SCHIP1: variants seen among roughly 807,000 people sequenced by gnomAD.
SCHIP1 encodes schwannomin interacting protein 1.
SCHIP1 carries 8 observed loss-of-function variants against 29.7 expected under a neutral mutation model. The observed-to-expected ratio is 0.27, with a 90% CI of 0.16 to 0.49. The LOEUF (loss-of-function observed/expected upper bound fraction) is 0.49, where lower values mean the gene tolerates loss of function less well. Among genes scored for constraint, SCHIP1 ranks in the 20% least tolerant of loss-of-function variants. The probability of loss-of-function intolerance (pLI) is 0.99; values close to 1 mark genes in which losing one functional copy is unlikely to be tolerated. For synonymous variants in SCHIP1, 76 were observed against 94.9 expected, an observed-to-expected ratio of 0.80 and a Z score of 1.16; for missense variants, 193 against 294.6, an observed-to-expected ratio of 0.66 and a Z score of 2.52.
chr3:159,566,080 G>T, the SCHIP1 span, among the ~76,000 whole-genome samples: 7 of 152,130 alleles, frequency 4.6e-5, no homozygotes, highest in African/African-American at 1.7e-4. Context: ...AAGAGAATAA[G>T]CTGATTTTCC....
chr3:159,350,042 G>A, the SCHIP1 span, among the ~76,000 whole-genome samples: 2 of 152,140 alleles, frequency 1.3e-5, no homozygotes, highest in Non-Finnish European at 2.9e-5. Flanking sequence ...AAGGTGTAAG[G>A]AGGTTTTCAG....
chr3:159,874,863 A>G (rs1424733988), intron 2 of SCHIP1, among the ~76,000 whole-genome samples: 1 of 152,184 alleles, frequency 6.6e-6, no homozygotes, highest in Non-Finnish European at 1.5e-5. Context: ...ATAACATGCA[A>G]CATATCTTTA....
chr3:159,828,388 C>CACTATATATATGTGTATATATGTAT, the SCHIP1 span, among the ~76,000 whole-genome samples: 1 of 65,328 alleles, frequency 1.5e-5, no homozygotes, highest in African/African-American at 4.6e-5. Context: ...TATATATATA[C>CACTATATATATGTGTATATATGTAT]ATATATACGT....
chr3:159,378,428 G>C, the SCHIP1 span, among the ~76,000 whole-genome samples: 1 of 152,184 alleles, frequency 6.6e-6, no homozygotes, highest in Non-Finnish European at 1.5e-5. Context: ...TGACTCTTGG[G>C]TGGTTGTTTT....
chr3:159,837,516 A>G (rs989505134), upstream of SCHIP1, among the ~76,000 whole-genome samples: 1 of 152,180 alleles, frequency 6.6e-6, no homozygotes, highest in African/African-American at 2.4e-5. Context: ...CAAGATCAGG[A>G]GTTCGAGACC....
chr3:159,409,915 C>T, the SCHIP1 span, among the ~76,000 whole-genome samples: 2 of 152,078 alleles, frequency 1.3e-5, no homozygotes, highest in Non-Finnish European at 2.9e-5. Flanking sequence ...ATGGCACTGG[C>T]ATAAAACAGA....
chr3:159,515,220 A>G, the SCHIP1 span, among the ~76,000 whole-genome samples: 1 of 151,818 alleles, frequency 6.6e-6, no homozygotes, highest in Non-Finnish European at 1.5e-5. Flanking sequence ...AAACTAAGAC[A>G]GATCCAGAAC....
At chr3:159,604,968 T>C in the SCHIP1 span, among the ~76,000 whole-genome samples, 3 of 152,328 alleles carry the variant, frequency 2.0e-5, no homozygotes, top group East Asian at 3.9e-4. Context: ...CAGGAAATTT[T>C]CAATGACATT....
chr3:159,462,150 A>G, the SCHIP1 span, among the ~76,000 whole-genome samples: 1 of 152,104 alleles, frequency 6.6e-6, no homozygotes, highest in Non-Finnish European at 1.5e-5. Context: ...GCGAGGTTGC[A>G]GTGAGCTGAG....
At chr3:159,478,255 A>G in the SCHIP1 span, among the ~76,000 whole-genome samples, 1 of 152,102 alleles carries the variant, frequency 6.6e-6, no homozygotes, top group Non-Finnish European at 1.5e-5. Context: ...GTTGATTTTT[A>G]TTATGGTATA....
chr3:159,866,507 A>G (rs1312622069), intron 2 of SCHIP1, among the ~76,000 whole-genome samples: 2 of 151,568 alleles, frequency 1.3e-5, no homozygotes, highest in East Asian at 3.9e-4. Flanking sequence ...TTGAGGTCAG[A>G]TTTTTATATT....
the SCHIP1 span, chr3:159,765,311 C>CG: frequency 4.4e-5 from 33 of 752,396 alleles, 1 homozygote; most frequent in Middle Eastern, 7.7e-4. Context: ...TAAGGTTGCT[C>CG]GGTCTGTGAG....
the SCHIP1 span, among the ~76,000 whole-genome samples, chr3:159,438,010 T>C: frequency 6.6e-6 from 1 of 152,104 alleles, no homozygotes. Context: ...TAGTACTTCT[T>C]AGGGGTTGTG....
chr3:159,537,697 A>T, the SCHIP1 span, among the ~76,000 whole-genome samples: 1 of 152,106 alleles, frequency 6.6e-6, no homozygotes, highest in Non-Finnish European at 1.5e-5. Flanking sequence ...AGAGCCATAA[A>T]CATGGCTTCC....
the SCHIP1 span, among the ~76,000 whole-genome samples, chr3:159,797,280 TA>T: frequency 3.9e-5 from 6 of 152,238 alleles, no homozygotes; most frequent in Admixed American, 2.0e-4. Flanking sequence ...TCTCTTAGGT[TA>T]AAATGTGGAG....
the SCHIP1 span, among the ~76,000 whole-genome samples, chr3:159,602,827 C>G: frequency 1.3e-5 from 2 of 152,140 alleles, no homozygotes; most frequent in Non-Finnish European, 2.9e-5. Context: ...ACAATCAACA[C>G]AGAAGACTTC....
chr3:159,592,134 A>G, the SCHIP1 span, among the ~76,000 whole-genome samples: 1 of 152,002 alleles, frequency 6.6e-6, no homozygotes, highest in Non-Finnish European at 1.5e-5. Context: ...TATCCCAGAG[A>G]CCTTAAAACA....
the SCHIP1 span, among the ~76,000 whole-genome samples, chr3:159,557,115 G>A: frequency 1.4e-4 from 21 of 151,368 alleles, no homozygotes; most frequent in Non-Finnish European, 2.4e-4. Flanking sequence ...CCGCCACCAC[G>A]CCCGGCTAAT....
the SCHIP1 span, among the ~76,000 whole-genome samples, chr3:159,671,572 T>C: frequency 6.6e-6 from 1 of 152,218 alleles, no homozygotes; most frequent in African/African-American, 2.4e-5. Flanking sequence ...GTCTTCTCTA[T>C]GTGAACCATA....
Sources: gnomAD v4.1 joint callset for allele counts (sites outside exome capture counted in the v4.1 genomes callset) on GRCh38, gnomAD v4.1.1 for gene constraint, MANE v1.5 for transcripts, NCBI Gene and HGNC (gene_info 2026-07-23, HGNC 2026-07-21) for gene names.